The following IFT140 variants were observed in gnomAD, a reference collection of about 807,000 sequenced individuals.
IFT140 encodes the protein intraflagellar transport 140.
In IFT140, 133 loss-of-function variants were observed where a neutral mutation model predicts 164.6. The ratio of observed to expected loss-of-function variants is 0.81; its 90% CI spans 0.70 to 0.93. The LOEUF (loss-of-function observed/expected upper bound fraction) is 0.93. Ranked by LOEUF, IFT140 falls within the 40% of genes least tolerant of loss-of-function variation. IFT140 has a pLI of 0.00. For missense variants in IFT140, 2,045 were observed against 1,972.3 expected (o/e 1.04, Z -0.70); for synonymous variants, 860 against 817.3 (o/e 1.05, Z -0.89).
At chr16:1,513,369 C>G (rs980950965) in intron 30 of IFT140, 3 of 152,028 alleles carry the variant, frequency 2.0e-5, no homozygotes, top group Non-Finnish European at 4.4e-5. Context: ...GGCGTGGTGG[C>G]GGGAACCTGT....
intron 1 of IFT140, among the ~76,000 whole-genome samples, chr16:1,611,302 C>T (rs1001545834): frequency 6.6e-6 from 1 of 152,086 alleles, no homozygotes; most frequent in Non-Finnish European, 1.5e-5. Flanking sequence ...CCCAGGAGTT[C>T]GAGACCAGCC....
rs896134485 is a variant in IFT140, at chr16:1,525,262, G to C, written c.2833C>G (p.Leu945Val). The C allele has an allele frequency of 6.2e-7, 1 of 1,612,834 alleles. No homozygotes were observed. The highest frequency in any genetic ancestry group is 1.3e-5 in the African/African-American group (1 of 75,064). The change falls in exon 22 of 31, where the codon CTG becomes GTG. Residue 945 changes from leucine to valine, a missense_variant. Transcript: ENST00000426508. ...TTCATTTTATTCACGTAGAGCTCCA[G>C]GGACGGCAGGTCCTCCGACAGCATC... Reference protein sequence around the residue: ...PRMLSEDLPSLELYVNKMKDK... With the variant: ...PRMLSEDLPSVELYVNKMKDK...
intron 18 of IFT140, among the ~76,000 whole-genome samples, chr16:1,558,637 A>G (rs1165397213): frequency 6.6e-6 from 1 of 152,086 alleles, no homozygotes; most frequent in Non-Finnish European, 1.5e-5. Flanking sequence ...GGTGCTCCCG[A>G]GGGACCACTG....
In IFT140 at chr16:1,529,449, C is replaced by T. The variant is rs542884615; in HGVS notation, c.2400-2653G>A. Among the ~76,000 whole-genome samples the T allele has an allele frequency of 1.3e-3, 193 of 152,352 alleles. 1 individual carries two copies. The highest frequency in any genetic ancestry group is 3.4e-3 in the Middle Eastern group (1 of 294). The stretch of plus-strand genomic sequence containing the variant: ...GGCAGCTTCCTGGACGCTCAGTCGG[C>T]GCTGCGGTGAAGGTGACACCGGGTG... On this transcript the variant is annotated intron_variant, in intron 19 of 30. Transcript: ENST00000426508.
intron 19 of IFT140, among the ~76,000 whole-genome samples, chr16:1,545,068 A>C (rs1226165128): frequency 6.6e-6 from 1 of 152,254 alleles, no homozygotes; most frequent in African/African-American, 2.4e-5. Context: ...TTTCAGGACA[A>C]GATAGTGTTT....
rs2032815681 is a variant in IFT140 at position 1,553,210 on chromosome 16, GTCTC to G, written c.2399+4721_2399+4724del. 4.1e-6 allele frequency: 4 copies of G among 979,312 alleles called. No individual in the cohort carries two copies. Among genetic ancestry groups the G allele is most frequent in the Non-Finnish European group, 4.9e-6 (4 of 824,498 alleles). 60.7% of individuals were successfully genotyped at this position (979,312 alleles called of 1,614,324 possible). ...TCTCCTTCCCTGTGTCTCTGTCTCTGTCTCTCTCTGTCTCCATCTGTCTCTGTGT... is the reference window on the plus strand; with the variant it reads ...TCTCCTTCCCTGTGTCTCTGTCTCTGTCTCTGTCTCCATCTGTCTCTGTGT... On this transcript the variant is annotated intron_variant, in intron 19 of 30. Coordinates refer to ENST00000426508, the MANE Select transcript of IFT140 (RefSeq NM_014714.4). The surrounding 1 kb of genome is among the most constrained non-coding windows in gnomAD (Gnocchi z 4.4).
rs1300479768 is a variant in IFT140, at chr16:1,551,935, G to T, written c.2399+6000C>A. Among the ~76,000 whole-genome samples, 1 of 152,130 alleles carries T rather than the reference G, an allele frequency of 6.6e-6. No homozygotes were observed. Among genetic ancestry groups the T allele is most frequent in the Non-Finnish European group, 1.5e-5 (1 of 68,018 alleles). ...GTGTGTCCCTGGTGATGTCCCCGGG[G>T]CCTCTCCCTGGTGACGTGTGGCCCG... On this transcript the variant is annotated intron_variant, in intron 19 of 30. Transcript: ENST00000426508. This position sits in a 1 kb window ranked among gnomAD's most constrained non-coding sequence, Gnocchi z 4.0.
At chr16:1,594,311 C>G (rs2755183) in intron 4 of IFT140, among the ~76,000 whole-genome samples, 17,836 of 151,736 alleles carry the variant, frequency 0.12, 1,656 homozygotes, top group African/African-American at 0.25. Context: ...GCCTCTGCTT[C>G]CAGGGCTCCT....
intron 14 of IFT140, among the ~76,000 whole-genome samples, chr16:1,570,513 C>T (rs1011064955): frequency 6.6e-6 from 1 of 152,174 alleles, no homozygotes; most frequent in African/African-American, 2.4e-5. Flanking sequence ...AATTCCAGTG[C>T]ACACGCATCA....
At chr16:1,546,514 C>T (rs939794965) in intron 19 of IFT140, among the ~76,000 whole-genome samples, 5 of 152,198 alleles carry the variant, frequency 3.3e-5, no homozygotes, top group South Asian at 2.1e-4. Context: ...CAGCAATGCT[C>T]GCAGCTGTTA....
chr16:1,517,003 G>A (rs1386162911), intron 30 of IFT140, among the ~76,000 whole-genome samples: 2 of 152,116 alleles, frequency 1.3e-5, no homozygotes, highest in Non-Finnish European at 2.9e-5. Context: ...GAAAAGAAGA[G>A]CATCAGTTGA....
chr16:1,558,977 A>G (rs1343436375), intron 18 of IFT140, among the ~76,000 whole-genome samples: 4 of 152,218 alleles, frequency 2.6e-5, no homozygotes, highest in Non-Finnish European at 5.9e-5. Flanking sequence ...GCGAGACGGC[A>G]CTTGGCCTGG....
At chr16:1,537,598 T>C (rs2031201738) in intron 19 of IFT140, among the ~76,000 whole-genome samples, 1 of 152,212 alleles carries the variant, frequency 6.6e-6, no homozygotes, top group African/African-American at 2.4e-5. Flanking sequence ...GCTCTTTCCC[T>C]GTGAGGAGCT....
chr16:1,569,106 G>A lies in IFT140; in HGVS notation c.1653-772C>T, dbSNP rs547947940. On this transcript the variant is annotated intron_variant, in intron 14 of 30. Coordinates refer to ENST00000426508, the MANE Select transcript of IFT140 (RefSeq NM_014714.4). Reference sequence around the variant, plus strand: ...TGCAAGCTCCGCCTCCCGGGTTCACGCCATTCTCCTGCCTCAGCCTCCCGA... The same window carrying A: ...TGCAAGCTCCGCCTCCCGGGTTCACACCATTCTCCTGCCTCAGCCTCCCGA... Among the ~76,000 whole-genome samples the A allele has an allele frequency of 3.3e-5, 5 of 149,918 alleles. No individual in the cohort carries two copies. The East Asian group carries it at 6.2e-4, about 18-fold the overall frequency.
chr16:1,572,604 C>A (rs1018803650), intron 13 of IFT140, among the ~76,000 whole-genome samples: 1 of 152,212 alleles, frequency 6.6e-6, no homozygotes. Context: ...CGAGAACATG[C>A]CACTGCACTC....
intron 19 of IFT140, chr16:1,552,891 G>T: frequency 1.2e-6 from 1 of 840,218 alleles, no homozygotes; most frequent in Non-Finnish European, 1.4e-6. Flanking sequence ...GTGACCTCGT[G>T]ATCCACCCGC....
At chr16:1,554,649 G>A (rs1484564552) in intron 19 of IFT140, 4 of 1,348,236 alleles carry the variant, frequency 3.0e-6, no homozygotes, top group Non-Finnish European at 4.0e-6. Flanking sequence ...AAAGCAGGCT[G>A]GAACCCGCTC....
chr16:1,563,227 C>A (rs1186558861), intron 17 of IFT140, among the ~76,000 whole-genome samples: 2 of 152,026 alleles, frequency 1.3e-5, no homozygotes, highest in Admixed American at 6.5e-5. Context: ...CGTGTCCTCC[C>A]GCTCAGCGCC....
rs3784834 is a variant in IFT140 at position 1,549,480 on chromosome 16, G to A, written c.2399+8455C>T. 3.1e-3 allele frequency among the ~76,000 whole-genome samples: 476 copies of A among 152,276 alleles called. 14 individuals carry two copies. In the East Asian group the frequency reaches 0.071, roughly 23 times the overall value. ...TCGCTCTTGTTGCCCAGGCTGGAGG[G>A]CAATGGCGTGCAATCTCGGCTCACC... On this transcript the variant is annotated intron_variant, in intron 19 of 30. Transcript: ENST00000426508.
Sources: allele counts gnomAD v4.1 joint callset (sites outside exome capture counted in the v4.1 genomes callset), GRCh38; gene constraint gnomAD v4.1.1; non-coding constraint Gnocchi (gnomAD v3.1); transcripts MANE v1.5; gene names NCBI Gene and HGNC (gene_info 2026-07-23, HGNC 2026-07-21).